KIAA0319: variants seen among roughly 807,000 people sequenced by gnomAD.
KIAA0319 encodes KIAA0319.
In KIAA0319, 83 loss-of-function variants were observed where a neutral mutation model predicts 108.4. That is an observed-to-expected ratio of 0.77 (90% CI 0.64 to 0.92). KIAA0319 has a LOEUF of 0.92. Ranked by LOEUF, KIAA0319 falls within the 40% of genes least tolerant of loss-of-function variation. The probability of loss-of-function intolerance (pLI) is 0.00; values close to 1 mark genes in which losing one functional copy is unlikely to be tolerated. For missense variants in KIAA0319, 1,195 were observed against 1,322.4 expected (o/e 0.90, Z 1.49); for synonymous variants, 484 against 510.4 (o/e 0.95, Z 0.70).
chr6:24,582,014 C>T (rs1171434633), intron 6 of KIAA0319, among the ~76,000 whole-genome samples: 4 of 152,102 alleles, frequency 2.6e-5, no homozygotes, highest in East Asian at 1.9e-4. Context: ...GGTGTGGTGA[C>T]GTGCACCTGT....
At chr6:24,558,652 A>G (rs1762655733) in intron 17 of KIAA0319, among the ~76,000 whole-genome samples, 1 of 152,260 alleles carries the variant, frequency 6.6e-6, no homozygotes, top group South Asian at 2.1e-4. Flanking sequence ...TCAAGGAGCT[A>G]CATGACATTA....
At chr6:24,565,752 C>CAAAAAAA (rs71542686) in intron 14 of KIAA0319, among the ~76,000 whole-genome samples, 6 of 62,660 alleles carry the variant, frequency 9.6e-5, no homozygotes, top group Non-Finnish European at 1.6e-4. Context: ...GACTCCATCT[C>CAAAAAAA]AAAAAAAAAA....
intron 1 of KIAA0319, among the ~76,000 whole-genome samples, chr6:24,615,240 T>C (rs1320787793): frequency 1.3e-5 from 2 of 152,184 alleles, no homozygotes; most frequent in Non-Finnish European, 2.9e-5. Context: ...CTAACGTCAA[T>C]TGACAGGAGA....
chr6:24,578,574 A>G (rs1765882988), intron 8 of KIAA0319, among the ~76,000 whole-genome samples: 2 of 152,238 alleles, frequency 1.3e-5, no homozygotes, highest in South Asian at 2.1e-4. Flanking sequence ...CCTCAGCTAC[A>G]GCATACTGAT....
chr6:24,618,671 C>T (rs1196226601), intron 1 of KIAA0319, among the ~76,000 whole-genome samples: 1 of 151,050 alleles, frequency 6.6e-6, no homozygotes, highest in African/African-American at 2.4e-5. Flanking sequence ...AACACACAGG[C>T]AACACAAAGA....
At chr6:24,559,482 G>C (rs2127434897) in intron 16 of KIAA0319, among the ~76,000 whole-genome samples, 1 of 152,286 alleles carries the variant, frequency 6.6e-6, no homozygotes, top group East Asian at 1.9e-4. Context: ...TATGTGCTGG[G>C]ATGTATGAAG....
chr6:24,644,942 A>T lies in KIAA0319; in HGVS notation c.-106+794T>A, dbSNP rs1210062274. Among the ~76,000 whole-genome samples the T allele has an allele frequency of 3.3e-5, 5 of 152,104 alleles. No individual in the cohort carries two copies. The East Asian group carries it at 9.6e-4, about 29-fold the overall frequency. On this transcript the variant is annotated intron_variant, in intron 1 of 20. Coordinates refer to ENST00000378214, the MANE Select transcript of KIAA0319 (RefSeq NM_014809.4). ...CCTCATCTGAATTAAAAATAATACT[A>T]AAAAAAGCACAAAATAAAAGTTTAG...
Position 24,559,136 on chromosome 6 carries a change from C to A in KIAA0319, c.2611G>T (p.Val871Leu), listed in dbSNP as rs1271996180. The A allele has an allele frequency of 1.2e-6, 2 of 1,613,066 alleles. No individual in the cohort carries two copies. Among genetic ancestry groups the A allele is most frequent in the Admixed American group, 1.7e-5 (1 of 59,962 alleles). The change falls in exon 17 of 21, where the codon GTA becomes TTA. Residue 871 changes from valine (V) to leucine (L), a missense_variant. Physicochemically the swap from Val to Leu is conservative, Grantham distance 32 (BLOSUM62 1). Coordinates refer to ENST00000378214, the MANE Select transcript of KIAA0319 (RefSeq NM_014809.4). ...ACCTTGAAAGGCGGCCTGCTCTGTA[C>A]ATAAAACACAATCACGGTGCTGTGG... ...SDLSTVIVFYVQSRPPFKVLK... is the reference protein window; with the variant it reads ...SDLSTVIVFYLQSRPPFKVLK...
At chr6:24,614,578 T>C (rs532080968) in intron 1 of KIAA0319, among the ~76,000 whole-genome samples, 16 of 152,174 alleles carry the variant, frequency 1.1e-4, no homozygotes, top group South Asian at 4.1e-4. Flanking sequence ...TAAATATTAC[T>C]GTCCCCACTT....
intron 1 of KIAA0319, among the ~76,000 whole-genome samples, chr6:24,642,996 C>T (rs145978757): frequency 1.3e-5 from 2 of 152,362 alleles, no homozygotes; most frequent in Non-Finnish European, 2.9e-5. Context: ...GCATGAGCCA[C>T]CGCGTTCCCA....
chr6:24,598,544 T>G (rs1582151285), intron 2 of KIAA0319: 1 of 435,172 alleles, frequency 2.3e-6, no homozygotes, highest in East Asian at 5.3e-5. Flanking sequence ...CCAGGGCTGG[T>G]GGAGGACTTC....
At chr6:24,638,036 A>C in intron 1 of KIAA0319, among the ~76,000 whole-genome samples, 1 of 152,224 alleles carries the variant, frequency 6.6e-6, no homozygotes, top group East Asian at 1.9e-4. Context: ...CACTGAAGAC[A>C]AGTCACCTTT....
Position 24,596,059 on chromosome 6 carries a change from C to T in KIAA0319, c.615G>A (p.Val205=), listed in dbSNP as rs1440801883. ...FNSSVGDSPA[V]PAETQQDPEL... Reference sequence around the variant, plus strand: ...CAGGGTCCTGCTGCGTCTCCGCTGGCACCGCAGGACTGTCTCCAACAGAGG... The same window carrying T: ...CAGGGTCCTGCTGCGTCTCCGCTGGTACCGCAGGACTGTCTCCAACAGAGG... The change falls in exon 3 of 21, where the codon GTG becomes GTA. Residue 205 remains valine (V), a synonymous_variant. Coordinates refer to ENST00000378214, the MANE Select transcript of KIAA0319 (RefSeq NM_014809.4). 5 of 1,613,750 alleles carry T rather than the reference C, an allele frequency of 3.1e-6. No individual in the cohort carries two copies. The Admixed American group carries it at 5.0e-5, about 16-fold the overall frequency.
At chr6:24,634,210 A>G (rs1775922888) in intron 1 of KIAA0319, among the ~76,000 whole-genome samples, 1 of 152,228 alleles carries the variant, frequency 6.6e-6, no homozygotes, top group Non-Finnish European at 1.5e-5. Context: ...CAGAACTTCT[A>G]CCAGCCTGGC....
At chr6:24,610,543 G>A (rs1300671865) in intron 1 of KIAA0319, among the ~76,000 whole-genome samples, 3 of 152,166 alleles carry the variant, frequency 2.0e-5, no homozygotes, top group Non-Finnish European at 4.4e-5. Context: ...GTTAAACAGA[G>A]TTACTATATA....
intron 7 of KIAA0319, 42 bp downstream of exon 7, chr6:24,580,884 T>C (rs1196483175): frequency 1.5e-6 from 2 of 1,345,376 alleles, no homozygotes; most frequent in African/African-American, 1.5e-5. Flanking sequence ...AAAATTGAGA[T>C]AAATATGTAC....
chr6:24,634,245 C>T (rs902526946), intron 1 of KIAA0319, among the ~76,000 whole-genome samples: 2 of 152,318 alleles, frequency 1.3e-5, no homozygotes, highest in East Asian at 3.9e-4. Flanking sequence ...AGCCACCTTT[C>T]AACAAACACA....
chr6:24,576,578 C>T lies in KIAA0319; in HGVS notation c.1524G>A (p.Ser508=), dbSNP rs9918327. 2,286 of 1,613,814 alleles carry T rather than the reference C, an allele frequency of 1.4e-3. 33 individuals are homozygous for T. The African/African-American group carries it at 0.026, about 18-fold the overall frequency. The part of the protein sequence containing the change: ...NYSFRLTVTD[S]DGATNSTTAA... Reference sequence around the variant, plus strand: ...CAGTTGTAGAGTTAGTGGCTCCGTCCGAGTCTGTAACAGTCAACCTACAAA... The same window carrying T: ...CAGTTGTAGAGTTAGTGGCTCCGTCTGAGTCTGTAACAGTCAACCTACAAA... The change falls in exon 10 of 21, where the codon TCG becomes TCA. Residue 508 remains serine (S), a synonymous_variant. Transcript: ENST00000378214.
At chr6:24,600,725 A>G (rs1770499337) in intron 2 of KIAA0319, 1 of 1,433,868 alleles carries the variant, frequency 7.0e-7, no homozygotes, top group Middle Eastern at 1.7e-4. Context: ...TATAATGAAA[A>G]TAAAGATTTC....
Sources: gnomAD v4.1 joint callset for allele counts (sites outside exome capture counted in the v4.1 genomes callset) on GRCh38, gnomAD v4.1.1 for gene constraint, MANE v1.5 for transcripts, NCBI Gene and HGNC (gene_info 2026-07-23, HGNC 2026-07-21) for gene names.